Variants in ESPN observed in about 807,000 individuals in gnomAD.
ESPN encodes the protein espin, also known as autosomal recessive deafness type 36 protein.
ESPN carries 68 observed loss-of-function variants against 77.7 expected under a neutral mutation model. The ratio of observed to expected loss-of-function variants is 0.87; its 90% CI spans 0.72 to 1.07. ESPN has a LOEUF of 1.07. Ranked by LOEUF, ESPN falls within the 50% of genes least tolerant of loss-of-function variation. The probability of loss-of-function intolerance (pLI) is 0.00; values close to 1 mark genes in which losing one functional copy is unlikely to be tolerated. For synonymous variants in ESPN, 449 were observed against 567.1 expected, an observed-to-expected ratio of 0.79 and a Z score of 2.96; for missense variants, 1,060 against 1,239.0, an observed-to-expected ratio of 0.86 and a Z score of 2.17.
Position 6,448,952 on chromosome 1 carries a change from C to G in ESPN, c.1776C>G (p.Ser592=). ...GCTGCGCCGCGGACCCCAAGGCGTCCAGGGAGCTGCCACCGCCGCCCCCAC... is the reference window on the plus strand; with the variant it reads ...GCTGCGCCGCGGACCCCAAGGCGTCGAGGGAGCTGCCACCGCCGCCCCCAC... ...PNGCAADPKA[S]RELPPPPPPP... Residue 592 remains serine (S), a synonymous_variant, in exon 8 of 13, where the codon TCC becomes TCG. Coordinates refer to ENST00000645284, the MANE Select transcript of ESPN (RefSeq NM_031475.3). The G allele has an allele frequency of 2.1e-6, 3 of 1,419,984 alleles. No homozygotes were observed. The highest frequency in any genetic ancestry group is 2.7e-6 in the Non-Finnish European group (3 of 1,092,630). 88.0% of individuals were successfully genotyped at this position (1,419,984 alleles called of 1,614,324 possible). A position where few individuals can be genotyped will look rare whatever the true frequency, so the allele number is the denominator to read the frequency against.
rs1643931739 is a variant in ESPN at position 6,450,844 on chromosome 1, T to C, written c.1916-759T>C. Among the ~76,000 whole-genome samples, 2 of 151,346 alleles carry C rather than the reference T, an allele frequency of 1.3e-5. No individual in the cohort carries two copies. Among genetic ancestry groups the C allele is most frequent in the South Asian group, 4.2e-4 (2 of 4,780 alleles). On this transcript the variant is annotated intron_variant, in intron 8 of 12. Transcript: ENST00000645284. This position sits in a 1 kb window ranked among gnomAD's most constrained non-coding sequence, Gnocchi z 4.3. ...CTCCCTCCCAGACCTGACCCCTTCATCGGGGCTCAAGAGACCTCTCTCTCC... is the reference window on the plus strand; with the variant it reads ...CTCCCTCCCAGACCTGACCCCTTCACCGGGGCTCAAGAGACCTCTCTCTCC...
chr1:6,460,046 AAC>A lies in ESPN; in HGVS notation c.2467_2468del (p.Gln823ValfsTer11). ...CAGGAGGAGCTGCGGCGGGAGAAGG[AAC>A]AGTCAGAGAAGCTGCGGACGCTGGG... On this transcript the variant is annotated frameshift_variant, in exon 13 of 13. Transcript: ENST00000645284. LOFTEE classifies it high-confidence loss of function. The A allele has an allele frequency of 6.2e-7, 1 of 1,613,514 alleles. No individual in the cohort carries two copies. The highest frequency in any genetic ancestry group is 8.5e-7 in the Non-Finnish European group (1 of 1,180,014).
rs2148503191 is a variant in ESPN at position 6,428,506 on chromosome 1, C to T, written c.488+87C>T. The stretch of plus-strand genomic sequence containing the variant: ...TGGGATTTTCCACGCCTCTCTGGCA[C>T]TCCAGGGCAATGATCCCTCCAGTGG... On this transcript the variant is annotated intron_variant, in intron 2 of 12. Transcript: ENST00000645284. The surrounding 1 kb of genome is among the most constrained non-coding windows in gnomAD (Gnocchi z 5.4). 2.5e-6 allele frequency: 3 copies of T among 1,203,866 alleles called. No individual in the cohort carries two copies. The highest frequency in any genetic ancestry group is 3.5e-6 in the Non-Finnish European group (3 of 854,186). 74.6% of individuals were successfully genotyped at this position (1,203,866 alleles called of 1,614,324 possible).
At chr1:6,425,435 A>G (rs1189065682) in intron 1 of ESPN, among the ~76,000 whole-genome samples, 186 bp downstream of exon 1, 2 of 152,220 alleles carry the variant, frequency 1.3e-5, no homozygotes, top group Non-Finnish European at 2.9e-5. Context: ...ACTGGGGCAG[A>G]TGCCCTGGCG....
Position 6,440,601 on chromosome 1 carries a change from CCCTCT to C in ESPN, c.676-22_676-18del. On this transcript the variant is annotated intron_variant, in intron 3 of 12. Transcript: ENST00000645284. ...GGGGCCTGGCGCCCAGCCCCCGCCC[CCCTCT>C]CCCCGCCCGTCCCGCCCAGGTGAGC... 1 of 1,253,552 alleles carries C rather than the reference CCCTCT, an allele frequency of 8.0e-7. No homozygotes were observed. Among genetic ancestry groups the C allele is most frequent in the Non-Finnish European group, 1.1e-6 (1 of 910,866 alleles). 77.7% of individuals were successfully genotyped at this position (1,253,552 alleles called of 1,614,324 possible). A position where few individuals can be genotyped will look rare whatever the true frequency, so the allele number is the denominator to read the frequency against.
At chr1:6,449,534 G>C (rs112249948) in intron 8 of ESPN, among the ~76,000 whole-genome samples, 2,136 of 152,282 alleles carry the variant, frequency 0.014, 51 homozygotes, top group African/African-American at 0.05. Context: ...CCTTCCCCCT[G>C]CCCGTCTATC....
chr1:6,431,628 CA>C (rs760363517), intron 2 of ESPN, among the ~76,000 whole-genome samples: 2,873 of 61,592 alleles, frequency 0.047, 19 homozygotes, highest in African/African-American at 0.074. Flanking sequence ...AAGATTCTGT[CA>C]AAAAAAAAAA....
At position 6,451,752 on chromosome 1, in the gene ESPN, G is replaced by A. The variant is rs754343624; in HGVS notation, c.2061+4G>A. The A allele has an allele frequency of 3.1e-6, 5 of 1,611,886 alleles. No homozygotes were observed. In the South Asian group the frequency reaches 5.5e-5, roughly 18 times the overall value. The stretch of plus-strand genomic sequence containing the variant: ...CATCGGGCAGCCGGCCTTCCAGGTA[G>A]GCGGGCCCAGCAGGAGCCTGCGACC... On this transcript the variant is annotated splice_donor_region_variant and intron_variant, in intron 9 of 12. Transcript: ENST00000645284. This position sits in a 1 kb window ranked among gnomAD's most constrained non-coding sequence, Gnocchi z 4.3.
rs1298944813 is a variant in ESPN at position 6,437,736 on chromosome 1, G to A, written c.489-2518G>A. Reference sequence around the variant, plus strand: ...GCCCTGTGTCTAGGGAGTGGGGAGGGAGGAGAAATCAGTGAGTGGAGGTCC... The same window carrying A: ...GCCCTGTGTCTAGGGAGTGGGGAGGAAGGAGAAATCAGTGAGTGGAGGTCC... On this transcript the variant is annotated intron_variant, in intron 2 of 12. Transcript: ENST00000645284. This position sits in a 1 kb window ranked among gnomAD's most constrained non-coding sequence, Gnocchi z 4.5. The A allele has an allele frequency of 6.6e-6, 1 of 152,424 alleles. No individual in the cohort carries two copies. Among genetic ancestry groups the A allele is most frequent in the African/African-American group, 2.4e-5 (1 of 41,478 alleles). The allele number at this position is 152,424 out of a possible 1,614,324, so 9.4% of individuals were successfully genotyped here. A position where few individuals can be genotyped will look rare whatever the true frequency, so the allele number is the denominator to read the frequency against.
Position 6,428,211 on chromosome 1 carries a change from G to A in ESPN, c.295-15G>A, listed in dbSNP as rs1254588451. On this transcript the variant is annotated splice_polypyrimidine_tract_variant and intron_variant, in intron 1 of 12. Transcript: ENST00000645284. This position sits in a 1 kb window ranked among gnomAD's most constrained non-coding sequence, Gnocchi z 5.4. ...GCAACAGGCTTTAGGACTTGAACCA[G>A]CTCTCCTCCCACAGGACAAAGACAA... 2 of 1,613,426 alleles carry A rather than the reference G, an allele frequency of 1.2e-6. No homozygotes were observed. The highest frequency in any genetic ancestry group is 2.7e-5 in the African/African-American group (2 of 75,058).
intron 2 of ESPN, among the ~76,000 whole-genome samples, chr1:6,438,405 G>T (rs541598362): frequency 6.6e-6 from 1 of 152,372 alleles, no homozygotes; most frequent in African/African-American, 2.4e-5. Flanking sequence ...GACAACTGTT[G>T]TCCCCATTTC....
In ESPN at chr1:6,440,403, C is replaced by T. The variant is rs759099175; in HGVS notation, c.638C>T (p.Ala213Val). The T allele has an allele frequency of 1.9e-6, 3 of 1,581,276 alleles. No individual in the cohort carries two copies. Among genetic ancestry groups the T allele is most frequent in the Admixed American group, 3.5e-5 (2 of 56,670 alleles). The stretch of plus-strand genomic sequence containing the variant: ...GACGGCATGACCCCGCTGCACGCCG[C>T]GGCGCAGATGGGCCACAGCCCAGTC... ...AHDGMTPLHA[A>V]AQMGHSPVIV... Residue 213 changes from alanine (A) to valine (V), a missense_variant, in exon 3 of 13, where the codon GCG becomes GTG. This residue lies in a region of ESPN where 556 missense variants were observed against 633.6 expected (regional missense o/e 0.88). Coordinates refer to ENST00000645284, the MANE Select transcript of ESPN (RefSeq NM_031475.3).
In ESPN at chr1:6,428,273, C is replaced by T. The variant is rs201813199; in HGVS notation, c.342C>T (p.Phe114=). ...CAGTCTTGCATCTGGCTGCCCGCTTCGGCCACCCCGAGGTGGTGAACTGGC... is the reference window on the plus strand; with the variant it reads ...CAGTCTTGCATCTGGCTGCCCGCTTTGGCCACCCCGAGGTGGTGAACTGGC... The part of the protein sequence containing the change: ...GATVLHLAAR[F]GHPEVVNWLL... Residue 114 remains phenylalanine, a synonymous_variant, in exon 2 of 13, where the codon TTC becomes TTT. Transcript: ENST00000645284. This position sits in a 1 kb window ranked among gnomAD's most constrained non-coding sequence, Gnocchi z 5.4. The T allele has an allele frequency of 1.1e-5, 18 of 1,613,470 alleles. No homozygotes were observed. Among genetic ancestry groups the T allele is most frequent in the Non-Finnish European group, 1.4e-5 (17 of 1,179,996 alleles).
In ESPN at chr1:6,428,493, C is replaced by A; in HGVS notation, c.488+74C>A. ...TTTGGGGGATGCCTGGGATTTTCCA[C>A]GCCTCTCTGGCACTCCAGGGCAATG... On this transcript the variant is annotated intron_variant, in intron 2 of 12. Coordinates refer to ENST00000645284, the MANE Select transcript of ESPN (RefSeq NM_031475.3). This position sits in a 1 kb window ranked among gnomAD's most constrained non-coding sequence, Gnocchi z 5.4. 1 of 1,343,438 alleles carries A rather than the reference C, an allele frequency of 7.4e-7. No homozygotes were observed. Among genetic ancestry groups the A allele is most frequent in the Non-Finnish European group, 1.0e-6 (1 of 970,634 alleles). 83.2% of individuals were successfully genotyped at this position (1,343,438 alleles called of 1,614,324 possible). A position where few individuals can be genotyped will look rare whatever the true frequency, so the allele number is the denominator to read the frequency against.
rs746845549 is a variant in ESPN, at chr1:6,441,025, A to G, written c.950A>G (p.His317Arg). Reference protein sequence around the residue: ...TAADLSDFNGHSHCTRYLRTV... With the variant: ...TAADLSDFNGRSHCTRYLRTV... ...GCCGACCTGTCGGACTTCAACGGCC[A>G]CAGCCACTGCACCCGCTACCTGCGC... The change falls in exon 5 of 13, where the codon CAC becomes CGC. Residue 317 changes from histidine (H) to arginine (R), a missense_variant. By Grantham distance (29) the His-to-Arg change is conservative. Transcript: ENST00000645284. 6.3e-5 allele frequency: 102 copies of G among 1,610,456 alleles called. No homozygotes were observed. Among genetic ancestry groups the G allele is most frequent in the Non-Finnish European group, 7.5e-5 (89 of 1,179,484 alleles).
At position 6,460,182 on chromosome 1, in the gene ESPN, G is replaced by A; in HGVS notation, c.*36G>A. 1 of 1,599,358 alleles carries A rather than the reference G, an allele frequency of 6.3e-7. No homozygotes were observed. Among genetic ancestry groups the A allele is most frequent in the Non-Finnish European group, 8.5e-7 (1 of 1,170,900 alleles). On this transcript the variant is annotated 3_prime_UTR_variant, in exon 13 of 13. Transcript: ENST00000645284. ...CTCCTGTCCGCAGCCTCGCAGCTCC[G>A]TGGGGCCCTCCGCCCCAGCCCCAGC...
chr1:6,451,966 TGC>T lies in ESPN; in HGVS notation c.2196_2197del (p.Gln733AlafsTer12), dbSNP rs763056230. The T allele has an allele frequency of 6.2e-7, 1 of 1,610,324 alleles. No individual in the cohort carries two copies. Among genetic ancestry groups the T allele is most frequent in the South Asian group, 1.1e-5 (1 of 90,338 alleles). On this transcript the variant is annotated frameshift_variant, in exon 10 of 13. Transcript: ENST00000645284. LOFTEE classifies it high-confidence loss of function. The surrounding 1 kb of genome is among the most constrained non-coding windows in gnomAD (Gnocchi z 4.3). ...CCGCCCACTACTCCTGCGCCGGGAG[TGC>T]AGCTGGACGTGGAGGCTCTCATCCC...
intron 10 of ESPN, among the ~76,000 whole-genome samples, 172 bp from the exon 11 acceptor site, chr1:6,457,012 G>T (rs1266779711): frequency 6.6e-6 from 1 of 152,260 alleles, no homozygotes; most frequent in Non-Finnish European, 1.5e-5. Context: ...GTTACTAGGG[G>T]AAAGGAGGCC....
Position 6,451,293 on chromosome 1 carries a change from G to T in ESPN, c.1916-310G>T. ...CCAGGTAGTGTTTTGGAGCTGGGCA[G>T]TCAGTGGCTGGGCGGGGACATATGC... is the stretch of plus-strand genomic sequence containing the variant. On this transcript the variant is annotated intron_variant, in intron 8 of 12. Coordinates refer to ENST00000645284, the MANE Select transcript of ESPN (RefSeq NM_031475.3). This position sits in a 1 kb window ranked among gnomAD's most constrained non-coding sequence, Gnocchi z 4.3. The T allele has an allele frequency of 2.2e-6, 1 of 465,106 alleles. No homozygotes were observed. The highest frequency in any genetic ancestry group is 4.0e-6 in the Non-Finnish European group (1 of 251,616). 28.8% of individuals were successfully genotyped at this position (465,106 alleles called of 1,614,324 possible).
Sources: allele counts gnomAD v4.1 joint callset (sites outside exome capture counted in the v4.1 genomes callset), GRCh38; gene constraint gnomAD v4.1.1; regional missense constraint gnomAD v4.1.1; non-coding constraint Gnocchi (gnomAD v3.1); transcripts MANE v1.5; gene names NCBI Gene and HGNC (gene_info 2026-07-23, HGNC 2026-07-21).